Variants in LDLRAD3 observed in about 807,000 individuals in gnomAD.
The protein encoded by LDLRAD3 is low-density lipoprotein receptor class A domain-containing protein 3.
In LDLRAD3, 20 loss-of-function variants were observed where a neutral mutation model predicts 29.4. The observed-to-expected ratio is 0.68, with a 90% CI of 0.48 to 0.99. The LOEUF (loss-of-function observed/expected upper bound fraction) is 0.99, where lower values mean the gene tolerates loss of function less well. Ranked by LOEUF, LDLRAD3 falls within the 50% of genes least tolerant of loss-of-function variation. The probability of loss-of-function intolerance (pLI) is 0.00; values close to 1 mark genes in which losing one functional copy is unlikely to be tolerated. For synonymous variants in LDLRAD3, 157 were observed against 192.7 expected (o/e 0.81, Z 1.53); for missense variants, 420 against 454.3 (o/e 0.92, Z 0.69).
intron 3 of LDLRAD3, among the ~76,000 whole-genome samples, chr11:36,096,898 T>G (rs1241642169): frequency 6.6e-6 from 1 of 152,234 alleles, no homozygotes. Flanking sequence ...TGCCCAAGAT[T>G]AATAAGTGGC....
intron 3 of LDLRAD3, 82 bp from the exon 4 acceptor site, chr11:36,098,245 C>G: frequency 6.5e-7 from 1 of 1,532,736 alleles, no homozygotes; most frequent in Non-Finnish European, 9.0e-7. Flanking sequence ...GAGCGGGACA[C>G]ACGCCAGGCT....
chr11:36,103,838 C>T (rs922555584), intron 4 of LDLRAD3, among the ~76,000 whole-genome samples: 4 of 152,194 alleles, frequency 2.6e-5, no homozygotes, highest in East Asian at 1.9e-4. Context: ...AATGTCCTCA[C>T]GGTCCATCCA....
chr11:36,093,594 C>T (rs539056864), intron 3 of LDLRAD3, among the ~76,000 whole-genome samples: 6 of 152,266 alleles, frequency 3.9e-5, no homozygotes, highest in East Asian at 3.9e-4. Flanking sequence ...CAGGCAGTGA[C>T]GCTCCCTGCC....
At chr11:36,101,885 CTTTT>C (rs397848318) in intron 4 of LDLRAD3, 1,457 of 222,748 alleles carry the variant, frequency 6.5e-3, no homozygotes, top group South Asian at 0.01. Context: ...CCACTGTCAT[CTTTT>C]TTTTTTTTTT....
chr11:35,985,776 T>A (rs930041990), intron 1 of LDLRAD3, among the ~76,000 whole-genome samples: 1 of 151,458 alleles, frequency 6.6e-6, no homozygotes, highest in African/African-American at 2.4e-5. Context: ...GTGCCTTTGC[T>A]CCTCCTTCAC....
At chr11:36,013,066 G>C (rs1851975392) in intron 1 of LDLRAD3, among the ~76,000 whole-genome samples, 1 of 152,198 alleles carries the variant, frequency 6.6e-6, no homozygotes, top group Non-Finnish European at 1.5e-5. Flanking sequence ...TAGAAATGCT[G>C]TTCCTTATTT....
At chr11:36,147,161 A>G (rs1189961738) in intron 4 of LDLRAD3, among the ~76,000 whole-genome samples, 2 of 115,920 alleles carry the variant, frequency 1.7e-5, no homozygotes, top group East Asian at 6.1e-4. Context: ...TCTGTCATCC[A>G]GGCTGGAGTG....
intron 4 of LDLRAD3, among the ~76,000 whole-genome samples, chr11:36,148,382 T>A (rs1049186855): frequency 5.3e-5 from 8 of 152,054 alleles, no homozygotes; most frequent in African/African-American, 1.9e-4. Flanking sequence ...ACTCAGGGTG[T>A]ATTTTCTGGG....
intron 3 of LDLRAD3, among the ~76,000 whole-genome samples, chr11:36,092,932 G>T (rs1438241960): frequency 1.3e-5 from 2 of 152,198 alleles, no homozygotes; most frequent in African/African-American, 2.4e-5. Context: ...ACCATCCTCT[G>T]CTTCTGTTTT....
At chr11:36,111,544 CCACCTTGTTTT>C (rs1853605378) in intron 4 of LDLRAD3, among the ~76,000 whole-genome samples, 1 of 151,906 alleles carries the variant, frequency 6.6e-6, no homozygotes. Context: ...TTTCTTGTTT[CCACCTTGTTTT>C]CCTCTCTGGA....
chr11:35,977,226 T>C (rs1469956242), intron 1 of LDLRAD3, among the ~76,000 whole-genome samples: 1 of 152,146 alleles, frequency 6.6e-6, no homozygotes, highest in East Asian at 1.9e-4. Flanking sequence ...ACCAGCCATG[T>C]CATCTGAATT....
At position 35,944,605 on chromosome 11, in the gene LDLRAD3, C is replaced by T. The variant is rs1351551290; in HGVS notation, c.46+461C>T. On this transcript the variant is annotated intron_variant, in intron 1 of 5. Coordinates refer to ENST00000315571, the MANE Select transcript of LDLRAD3 (RefSeq NM_174902.4). This position sits in a 1 kb window ranked among gnomAD's most constrained non-coding sequence, Gnocchi z 4.9. ...GGCCTCTTCCCGAGTCTCTGGCGTG[C>T]ACTCCGTGCCTCAGTTTCCCCACCT... 6.6e-6 allele frequency among the ~76,000 whole-genome samples: 1 copy of T among 152,174 alleles called. No homozygotes were observed. Among genetic ancestry groups the T allele is most frequent in the Non-Finnish European group, 1.5e-5 (1 of 68,028 alleles).
chr11:35,963,197 C>T (rs1037877618), intron 1 of LDLRAD3, among the ~76,000 whole-genome samples: 15 of 152,344 alleles, frequency 9.8e-5, no homozygotes, highest in Middle Eastern at 3.4e-3. Flanking sequence ...AACCAACCAA[C>T]GGTCCCATAG....
At chr11:36,113,080 A>C (rs754308687) in intron 4 of LDLRAD3, among the ~76,000 whole-genome samples, 5 of 152,202 alleles carry the variant, frequency 3.3e-5, no homozygotes, top group Non-Finnish European at 7.3e-5. Flanking sequence ...AGATATGTGC[A>C]CATCTTTTGA....
At chr11:36,124,062 G>T (rs1027689048) in intron 4 of LDLRAD3, among the ~76,000 whole-genome samples, 1 of 152,244 alleles carries the variant, frequency 6.6e-6, no homozygotes, top group Non-Finnish European at 1.5e-5. Flanking sequence ...ATTATATAAA[G>T]GTTATGCATT....
At chr11:36,143,790 A>G (rs937982044) in intron 4 of LDLRAD3, among the ~76,000 whole-genome samples, 5 of 152,160 alleles carry the variant, frequency 3.3e-5, no homozygotes, top group Non-Finnish European at 7.4e-5. Context: ...ATGTCTTCAC[A>G]TTAGATTAGA....
chr11:36,226,941 C>T, intron 4 of LDLRAD3, 144 bp from the exon 5 acceptor site: 1 of 635,620 alleles, frequency 1.6e-6, no homozygotes. Context: ...GGTTGGTGGA[C>T]ATTTGGGCGG....
rs1445508718 is a variant in LDLRAD3, at chr11:36,127,203, TCTTTA to T, written c.454+28748_454+28752del. Among the ~76,000 whole-genome samples the T allele has an allele frequency of 1.1e-4, 17 of 152,338 alleles. No homozygotes were observed. In the South Asian group the frequency reaches 2.1e-3, roughly 19 times the overall value. ...GCTAAAGATACAGGTTTAAGGAATGTCTTTACTTTATTGTTTATATAATGAAATAT... is the reference window on the plus strand; with the variant it reads ...GCTAAAGATACAGGTTTAAGGAATGTCTTTATTGTTTATATAATGAAATAT... On this transcript the variant is annotated intron_variant, in intron 4 of 5. Coordinates refer to ENST00000315571, the MANE Select transcript of LDLRAD3 (RefSeq NM_174902.4).
chr11:36,075,082 C>T (rs1331219630), intron 2 of LDLRAD3, among the ~76,000 whole-genome samples: 2 of 152,114 alleles, frequency 1.3e-5, no homozygotes. Context: ...TGCTGTTTTT[C>T]TGCTGGAAGT....
Sources: gnomAD v4.1 joint callset for allele counts (sites outside exome capture counted in the v4.1 genomes callset) on GRCh38, gnomAD v4.1.1 for gene constraint, Gnocchi (gnomAD v3.1) non-coding constraint, MANE v1.5 for transcripts, NCBI Gene and HGNC (gene_info 2026-07-23, HGNC 2026-07-21) for gene names.